PIK3C2A: variants seen among roughly 807,000 people sequenced by gnomAD.
PIK3C2A encodes phosphatidylinositol 4-phosphate 3-kinase C2 domain-containing subunit alpha.
In PIK3C2A, 97 loss-of-function variants were observed where a neutral mutation model predicts 204.5. The observed-to-expected ratio is 0.47, with a 90% CI of 0.40 to 0.56. PIK3C2A has a LOEUF of 0.56. Among genes scored for constraint, PIK3C2A ranks in the 20% least tolerant of loss-of-function variants. The probability of loss-of-function intolerance (pLI) is 0.00; values close to 1 mark genes in which losing one functional copy is unlikely to be tolerated. For synonymous variants in PIK3C2A, 653 were observed against 664.4 expected (o/e 0.98, Z 0.26); for missense variants, 1,735 against 1,969.2 (o/e 0.88, Z 2.25).
chr11:17,192,727 G>A (rs1020786941), intron 1 of PIK3C2A, among the ~76,000 whole-genome samples: 1 of 152,158 alleles, frequency 6.6e-6, no homozygotes, highest in Non-Finnish European at 1.5e-5. Flanking sequence ...GATTACAGAC[G>A]TAAGCCACCG....
intron 15 of PIK3C2A, among the ~76,000 whole-genome samples, chr11:17,120,840 C>T (rs1000329333): frequency 2.0e-5 from 3 of 152,052 alleles, no homozygotes; most frequent in East Asian, 3.8e-4. Context: ...GATGGAGTCT[C>T]GCTCTGTCAC....
At chr11:17,091,812 T>A (rs1341223485) in intron 30 of PIK3C2A, among the ~76,000 whole-genome samples, 156 bp from the exon 31 acceptor site, 1 of 152,226 alleles carries the variant, frequency 6.6e-6, no homozygotes, top group African/African-American at 2.4e-5. Context: ...GATTTATACT[T>A]CTTTAGTAAT....
intron 22 of PIK3C2A, among the ~76,000 whole-genome samples, chr11:17,108,287 A>G (rs1489802369): frequency 6.6e-6 from 1 of 152,230 alleles, no homozygotes; most frequent in Non-Finnish European, 1.5e-5. Context: ...AACGTCCTAC[A>G]CATGGTTCTA....
chr11:17,200,443 GAC>G (rs4029116), intron 1 of PIK3C2A, among the ~76,000 whole-genome samples: 35,979 of 151,996 alleles, frequency 0.24, 5,293 homozygotes, highest in East Asian at 0.38. Context: ...ATAAAAAAGA[GAC>G]ATGTTATTGA....
intron 1 of PIK3C2A, among the ~76,000 whole-genome samples, chr11:17,187,718 A>C (rs1362733606): frequency 6.6e-6 from 1 of 152,166 alleles, no homozygotes; most frequent in Non-Finnish European, 1.5e-5. Context: ...ATGGCTGTTT[A>C]AAATGGGAAA....
chr11:17,121,346 G>A (rs1849361292), intron 15 of PIK3C2A, among the ~76,000 whole-genome samples: 2 of 151,902 alleles, frequency 1.3e-5, no homozygotes, highest in African/African-American at 4.8e-5. Flanking sequence ...CCAACTCCTG[G>A]GCTCAAGCAA....
At chr11:17,201,512 C>T (rs907296108) in intron 1 of PIK3C2A, among the ~76,000 whole-genome samples, 6 of 117,574 alleles carry the variant, frequency 5.1e-5, no homozygotes, top group Admixed American at 3.3e-4. Flanking sequence ...GGTGAAAGAA[C>T]GTGACTCCGT....
intron 1 of PIK3C2A, among the ~76,000 whole-genome samples, chr11:17,179,627 A>G (rs1366784424): frequency 6.6e-6 from 1 of 152,186 alleles, no homozygotes; most frequent in Non-Finnish European, 1.5e-5. Context: ...TTAAATTTTT[A>G]AAAATAGAGA....
chr11:17,117,568 G>C lies in PIK3C2A; in HGVS notation c.3139C>G (p.Leu1047Val). 6.2e-7 allele frequency: 1 copy of C among 1,613,852 alleles called. No individual in the cohort carries two copies. Among genetic ancestry groups the C allele is most frequent in the South Asian group, 1.1e-5 (1 of 91,080 alleles). The part of the protein sequence containing the change: ...VGGKRLREEL[L>V]KQTKLVQLLG... Reference sequence around the variant, plus strand: ...AGCTGTACAAGTTTCGTCTGTTTTAGAAGTTCTTCTCTAAGTCGTTTTCCT... The same window carrying C: ...AGCTGTACAAGTTTCGTCTGTTTTACAAGTTCTTCTCTAAGTCGTTTTCCT... Residue 1047 changes from leucine to valine, a missense_variant, in exon 19 of 33, where the codon CTA (leucine) becomes GTA (valine). By Grantham distance (32) the Leu-to-Val change is conservative (BLOSUM62 1). Around this residue, in one of 6 missense-constraint regions of PIK3C2A, gnomAD observed 567 missense variants for 576.0 expected, o/e 0.98. Coordinates refer to ENST00000691414, the MANE Select transcript of PIK3C2A (RefSeq NM_002645.4).
intron 1 of PIK3C2A, among the ~76,000 whole-genome samples, chr11:17,183,489 A>C (rs532102089): frequency 1.3e-5 from 2 of 152,198 alleles, no homozygotes; most frequent in African/African-American, 4.8e-5. Context: ...CAGCCTGGCC[A>C]ACATGGTGAA....
In PIK3C2A at chr11:17,086,612, G is replaced by A. The variant is rs939276925; in HGVS notation, c.*3126C>T. 2 of 152,104 alleles carry A rather than the reference G, an allele frequency of 1.3e-5. No individual in the cohort carries two copies. The highest frequency in any genetic ancestry group is 4.8e-5 in the African/African-American group (2 of 41,396). 9.4% of individuals were successfully genotyped at this position (152,104 alleles called of 1,614,324 possible). A position where few individuals can be genotyped will look rare whatever the true frequency, so the allele number is the denominator to read the frequency against. On this transcript the variant is annotated 3_prime_UTR_variant, in exon 33 of 33. Coordinates refer to ENST00000691414, the MANE Select transcript of PIK3C2A (RefSeq NM_002645.4). ...AATATTTTAATACAATCGTAGTACAGTTATGAAGTCACATTCAATCCACTG... is the reference window on the plus strand; with the variant it reads ...AATATTTTAATACAATCGTAGTACAATTATGAAGTCACATTCAATCCACTG...
intron 1 of PIK3C2A, among the ~76,000 whole-genome samples, chr11:17,175,429 G>C (rs918952632): frequency 2.6e-5 from 4 of 152,172 alleles, no homozygotes; most frequent in South Asian, 2.1e-4. Context: ...CTGTGCTTCA[G>C]CTGTTTTTCT....
chr11:17,114,132 A>T (rs1310232682), intron 20 of PIK3C2A, among the ~76,000 whole-genome samples: 4 of 140,784 alleles, frequency 2.8e-5, no homozygotes, highest in Non-Finnish European at 6.4e-5. Flanking sequence ...AGACCAATTT[A>T]AAAAAATGAA....
intron 3 of PIK3C2A, among the ~76,000 whole-genome samples, chr11:17,155,038 G>A (rs1850536603): frequency 6.6e-6 from 1 of 152,172 alleles, no homozygotes; most frequent in Admixed American, 6.5e-5. Context: ...CTGAGTCTCA[G>A]TTTCCTCACC....
chr11:17,110,611 A>C (rs748454706), intron 21 of PIK3C2A, 50 bp from the exon 22 acceptor site: 25 of 1,550,140 alleles, frequency 1.6e-5, no homozygotes, highest in Non-Finnish European at 1.7e-5. Context: ...AAAAGACTTA[A>C]CAGATTACAT....
At chr11:17,129,260 T>A in intron 13 of PIK3C2A, 40 bp downstream of exon 13, 1 of 1,523,664 alleles carries the variant, frequency 6.6e-7, no homozygotes, top group Non-Finnish European at 9.1e-7. Flanking sequence ...TGTGCAGATG[T>A]GTCCACAGTG....
chr11:17,090,593 G>T (rs1278978856), intron 32 of PIK3C2A, among the ~76,000 whole-genome samples: 1 of 152,168 alleles, frequency 6.6e-6, no homozygotes, highest in Non-Finnish European at 1.5e-5. Flanking sequence ...TATTATAGAG[G>T]GGGGTTCACA....
At chr11:17,160,367 C>T (rs1395849757) in intron 2 of PIK3C2A, among the ~76,000 whole-genome samples, 1 of 152,076 alleles carries the variant, frequency 6.6e-6, no homozygotes, top group Non-Finnish European at 1.5e-5. Flanking sequence ...TAGATTTACC[C>T]AGGGCAACAG....
chr11:17,097,315 A>G lies in PIK3C2A; in HGVS notation c.4119-51T>C, dbSNP rs543791497. ...AACAGTAAATGAGAACACATGGTAA[A>G]TTCTTTCAATGTAATAAATGACAAA... is the stretch of plus-strand genomic sequence containing the variant. On this transcript the variant is annotated intron_variant, in intron 26 of 32. Transcript: ENST00000691414. The G allele has an allele frequency of 1.4e-5, 16 of 1,115,926 alleles. No individual in the cohort carries two copies. In the African/African-American group the frequency reaches 2.2e-4, roughly 15 times the overall value. The allele number at this position is 1,115,926 out of a possible 1,614,324, so 69.1% of individuals were successfully genotyped here. A position where few individuals can be genotyped will look rare whatever the true frequency, so the allele number is the denominator to read the frequency against.
Sources: gnomAD v4.1 joint callset for allele counts (sites outside exome capture counted in the v4.1 genomes callset) on GRCh38, gnomAD v4.1.1 for gene constraint, gnomAD v4.1.1 regional missense constraint, MANE v1.5 for transcripts, NCBI Gene and HGNC (gene_info 2026-07-23, HGNC 2026-07-21) for gene names.